Variants in DIAPH3 observed in about 807,000 individuals in gnomAD.
DIAPH3 encodes the protein diaphanous related formin 3.
In DIAPH3, 117 loss-of-function variants were observed where a neutral mutation model predicts 144.3. The ratio of observed to expected loss-of-function variants is 0.81; its 90% CI spans 0.70 to 0.95. The LOEUF is 0.95. Ranked by LOEUF, DIAPH3 falls within the 40% of genes least tolerant of loss-of-function variation. The probability of loss-of-function intolerance (pLI) is 0.00; values close to 1 mark genes in which losing one functional copy is unlikely to be tolerated. For synonymous variants in DIAPH3, 519 were observed against 488.9 expected (o/e 1.06, Z -0.81); for missense variants, 1,421 against 1,412.7 (o/e 1.01, Z -0.09).
chr13:59,972,347 C>T (rs934735069), intron 15 of DIAPH3, among the ~76,000 whole-genome samples: 1 of 152,104 alleles, frequency 6.6e-6, no homozygotes, highest in South Asian at 2.1e-4. Flanking sequence ...TTAACAGATG[C>T]ATTTCGATGG....
chr13:59,738,400 G>A (rs1394510913), intron 27 of DIAPH3, among the ~76,000 whole-genome samples: 1 of 152,036 alleles, frequency 6.6e-6, no homozygotes, highest in Non-Finnish European at 1.5e-5. Flanking sequence ...CAGCAGAGGA[G>A]CCTCCAGGGA....
At chr13:59,672,384 T>C (rs1436368669) in intron 27 of DIAPH3, among the ~76,000 whole-genome samples, 1 of 151,932 alleles carries the variant, frequency 6.6e-6, no homozygotes, top group Admixed American at 6.6e-5. Context: ...AGGAAGAATG[T>C]AGAACTCTGG....
intron 4 of DIAPH3, among the ~76,000 whole-genome samples, chr13:60,056,833 C>T (rs2056578202): frequency 6.6e-6 from 1 of 151,798 alleles, no homozygotes; most frequent in African/African-American, 2.4e-5. Context: ...ATGAAGTTTC[C>T]TTTTGGGTTG....
chr13:60,162,397 C>T (rs1952333258), intron 1 of DIAPH3, among the ~76,000 whole-genome samples: 2 of 152,084 alleles, frequency 1.3e-5, no homozygotes, highest in South Asian at 4.1e-4. Context: ...AAGTCATTGC[C>T]TTAGTGGATT....
chr13:59,779,315 C>G (rs932103458), intron 25 of DIAPH3, among the ~76,000 whole-genome samples: 11 of 152,036 alleles, frequency 7.2e-5, no homozygotes, highest in Non-Finnish European at 1.2e-4. Context: ...ACAGACAATA[C>G]CTGTCTAGGG....
chr13:59,829,014 A>G (rs1284606010), intron 24 of DIAPH3, among the ~76,000 whole-genome samples: 2 of 152,000 alleles, frequency 1.3e-5, no homozygotes, highest in Non-Finnish European at 2.9e-5. Flanking sequence ...GGCTTGAGGC[A>G]GCAGTCTGGA....
chr13:59,735,938 T>C (rs2036129420), intron 27 of DIAPH3, among the ~76,000 whole-genome samples: 1 of 152,132 alleles, frequency 6.6e-6, no homozygotes, highest in Admixed American at 6.6e-5. Context: ...TCCTCTCTCC[T>C]ACCACCCTGA....
chr13:59,679,408 C>G (rs1170742757), intron 27 of DIAPH3, among the ~76,000 whole-genome samples: 1 of 152,176 alleles, frequency 6.6e-6, no homozygotes, highest in Non-Finnish European at 1.5e-5. Flanking sequence ...CCTCAGGCTT[C>G]TCTTGTCAGC....
chr13:60,102,127 C>T (rs1404971012), intron 3 of DIAPH3, among the ~76,000 whole-genome samples: 5 of 152,202 alleles, frequency 3.3e-5, no homozygotes, highest in African/African-American at 1.2e-4. Flanking sequence ...CCCTACCCAA[C>T]CAATGCATTT....
Position 60,138,892 on chromosome 13 carries a change from T to C in DIAPH3, c.181-5903A>G, listed in dbSNP as rs116872786. On this transcript the variant is annotated intron_variant, in intron 1 of 27. Transcript: ENST00000400324. ...TCTTCTCTTAATCATCTTCTCTTAATCATAATCTATGGCTGATAATAGGTT... is the reference window on the plus strand; with the variant it reads ...TCTTCTCTTAATCATCTTCTCTTAACCATAATCTATGGCTGATAATAGGTT... 3.7e-4 allele frequency among the ~76,000 whole-genome samples: 55 copies of C among 150,684 alleles called. 1 individual carries two copies. In the East Asian group the frequency reaches 0.01, roughly 29 times the overall value.
intron 20 of DIAPH3, among the ~76,000 whole-genome samples, chr13:59,891,856 A>G (rs968464111): frequency 3.3e-5 from 5 of 152,086 alleles, no homozygotes; most frequent in Admixed American, 2.6e-4. Flanking sequence ...TAAACAGGTC[A>G]AAAAGTTGCC....
chr13:59,970,519 T>C (rs912045189), intron 16 of DIAPH3, among the ~76,000 whole-genome samples: 7 of 152,128 alleles, frequency 4.6e-5, no homozygotes, highest in Non-Finnish European at 1.0e-4. Context: ...AAGAACACCA[T>C]CATTTTTTTT....
At chr13:59,893,030 C>G (rs147908437) in intron 20 of DIAPH3, among the ~76,000 whole-genome samples, 1 of 152,162 alleles carries the variant, frequency 6.6e-6, no homozygotes, top group East Asian at 1.9e-4. Flanking sequence ...GACATAAAAT[C>G]TCATTTAATA....
intron 4 of DIAPH3, among the ~76,000 whole-genome samples, chr13:60,082,542 T>G (rs972397623): frequency 9.5e-5 from 13 of 137,452 alleles, no homozygotes; most frequent in African/African-American, 4.0e-4. Flanking sequence ...TTAAGCTTTT[T>G]GCTAGAAAAA....
At chr13:59,729,182 G>C (rs1354916251) in intron 27 of DIAPH3, among the ~76,000 whole-genome samples, 1 of 152,142 alleles carries the variant, frequency 6.6e-6, no homozygotes, top group Non-Finnish European at 1.5e-5. Context: ...TATAGTCAGT[G>C]GACTGGGTCA....
chr13:59,983,966 T>A, intron 12 of DIAPH3, 79 bp from the exon 13 acceptor site: 1 of 917,108 alleles, frequency 1.1e-6, no homozygotes. Flanking sequence ...TTGGCTAAGA[T>A]TGATTTCAAG....
At chr13:59,884,142 T>C (rs1001613014) in intron 20 of DIAPH3, among the ~76,000 whole-genome samples, 9 of 152,122 alleles carry the variant, frequency 5.9e-5, no homozygotes, top group Admixed American at 5.9e-4. Context: ...CATTAGATTC[T>C]CATAGGAGCG....
chr13:59,770,113 A>G (rs1028733867), intron 27 of DIAPH3, among the ~76,000 whole-genome samples: 1 of 152,112 alleles, frequency 6.6e-6, no homozygotes, highest in Non-Finnish European at 1.5e-5. Context: ...AACTCTTTGA[A>G]GCTATGCATA....
intron 25 of DIAPH3, among the ~76,000 whole-genome samples, chr13:59,795,137 G>A (rs1215655977): frequency 6.6e-6 from 1 of 152,192 alleles, no homozygotes; most frequent in Non-Finnish European, 1.5e-5. Flanking sequence ...AAAGGAGAAT[G>A]AACGAAAGCT....
Sources: gnomAD v4.1 joint callset for allele counts (sites outside exome capture counted in the v4.1 genomes callset) on GRCh38, gnomAD v4.1.1 for gene constraint, MANE v1.5 for transcripts, NCBI Gene and HGNC (gene_info 2026-07-23, HGNC 2026-07-21) for gene names.